AAK1: variants seen among roughly 807,000 people sequenced by gnomAD.
AAK1 encodes the protein AP2-associated protein kinase 1.
AAK1 carries 37 observed loss-of-function variants against 116.0 expected under a neutral mutation model. The observed-to-expected ratio is 0.32, with a 90% confidence interval of 0.25 to 0.42. AAK1 has a LOEUF of 0.42. AAK1 is among the 10% of genes least tolerant of loss of function. The pLI is 1.00. For missense variants in AAK1, 919 were observed against 1,170.6 expected (o/e 0.79, Z 3.14); for synonymous variants, 458 against 439.9 (o/e 1.04, Z -0.51).
intron 3 of AAK1, among the ~76,000 whole-genome samples, chr2:69,551,106 A>C (rs563127295): frequency 1.3e-5 from 2 of 151,938 alleles, no homozygotes; most frequent in African/African-American, 4.8e-5. Flanking sequence ...ACACACACAC[A>C]CACCCCAACT....
chr2:69,552,951 G>A (rs1307262755), intron 3 of AAK1, among the ~76,000 whole-genome samples: 1 of 152,022 alleles, frequency 6.6e-6, no homozygotes, highest in African/African-American at 2.4e-5. Flanking sequence ...AGGATGGTTG[G>A]AATATAGAGG....
intron 7 of AAK1, 131 bp from the exon 8 acceptor site, chr2:69,530,271 A>G: frequency 1.0e-6 from 1 of 994,702 alleles, no homozygotes; most frequent in African/African-American, 1.7e-5. Context: ...TGTATTAGAA[A>G]CATGAGTTTT....
At chr2:69,589,709 A>C (rs1672946633) in intron 2 of AAK1, among the ~76,000 whole-genome samples, 1 of 126,742 alleles carries the variant, frequency 7.9e-6, no homozygotes, top group Non-Finnish European at 1.7e-5. Flanking sequence ...ACTCTGTCTC[A>C]AAAAAAAAAA....
intron 18 of AAK1, chr2:69,482,166 A>C (rs1186207472): frequency 6.1e-6 from 1 of 163,058 alleles, no homozygotes. Context: ...AGCCTGACCA[A>C]CATGGAGAAA....
intron 5 of AAK1, among the ~76,000 whole-genome samples, chr2:69,541,977 C>T (rs1191418814): frequency 1.3e-5 from 2 of 152,188 alleles, no homozygotes; most frequent in African/African-American, 2.4e-5. Flanking sequence ...ATGTCTCCCC[C>T]TGAAGAGACA....
chr2:69,576,844 T>C (rs963458167), intron 2 of AAK1, among the ~76,000 whole-genome samples: 2 of 152,188 alleles, frequency 1.3e-5, no homozygotes, highest in East Asian at 1.9e-4. Context: ...CCACCTTAGA[T>C]AGCGGTCTGA....
At position 69,525,125 on chromosome 2, in the gene AAK1, A is replaced by G; in HGVS notation, c.976-13T>C. ...GAATGGGAGAGTTCTATAGAATTGC[A>G]AACAAAACAGAACAAAACAAAAGGA... On this transcript the variant is annotated splice_polypyrimidine_tract_variant and intron_variant, in intron 9 of 21. Transcript: ENST00000409085. 6.2e-7 allele frequency: 1 copy of G among 1,613,080 alleles called. No individual in the cohort carries two copies. Among genetic ancestry groups the G allele is most frequent in the Admixed American group, 1.7e-5 (1 of 60,008 alleles).
Position 69,472,782 on chromosome 2 carries a change from C to T in AAK1, c.*3087G>A. The T allele has an allele frequency of 2.0e-6, 2 of 983,224 alleles. No individual in the cohort carries two copies. The highest frequency in any genetic ancestry group is 2.4e-6 in the Non-Finnish European group (2 of 828,668). The allele number at this position is 983,224 out of a possible 1,614,324, so 60.9% of individuals were successfully genotyped here. A position where few individuals can be genotyped will look rare whatever the true frequency, so the allele number is the denominator to read the frequency against. On this transcript the variant is annotated 3_prime_UTR_variant, in exon 22 of 22. Coordinates refer to ENST00000409085, the MANE Select transcript of AAK1 (RefSeq NM_014911.5). ...TTAAACTGGTAGATGCCTGATTATA[C>T]ATTTAAAAAGAAATCTTCTGATACC...
chr2:69,529,991 A>G lies in AAK1; in HGVS notation c.871+17T>C, dbSNP rs1236869631. 1.3e-6 allele frequency: 2 copies of G among 1,511,472 alleles called. No individual in the cohort carries two copies. Among genetic ancestry groups the G allele is most frequent in the Non-Finnish European group, 8.9e-7 (1 of 1,127,262 alleles). 93.6% of individuals were successfully genotyped at this position (1,511,472 alleles called of 1,614,324 possible). A position where few individuals can be genotyped will look rare whatever the true frequency, so the allele number is the denominator to read the frequency against. On this transcript the variant is annotated intron_variant, in intron 8 of 21. Coordinates refer to ENST00000409085, the MANE Select transcript of AAK1 (RefSeq NM_014911.5). ...ATTAGAAATAAAAATATGAAACTAG[A>G]AACTTAAAATACTTACTAATTAGGC...
At chr2:69,550,006 A>C (rs1671108603) in intron 3 of AAK1, among the ~76,000 whole-genome samples, 1 of 152,194 alleles carries the variant, frequency 6.6e-6, no homozygotes, top group Non-Finnish European at 1.5e-5. Context: ...GTAAGCCACA[A>C]TGCTTTCTTT....
rs144014755 is a variant in AAK1, at chr2:69,550,795, T to C, written c.282+6065A>G. On this transcript the variant is annotated intron_variant, in intron 3 of 21. Coordinates refer to ENST00000409085, the MANE Select transcript of AAK1 (RefSeq NM_014911.5). ...CACGCCCGGCTAATTTTTGTACTTT[T>C]AGTAGAGACAGGGTTTGGCCATTTT... Among the ~76,000 whole-genome samples the C allele has an allele frequency of 6.5e-3, 987 of 152,134 alleles. 21 individuals carry two copies. The highest frequency in any genetic ancestry group is 0.013 in the East Asian group (65 of 5,168).
At position 69,462,755 on chromosome 2, in the gene AAK1, G is replaced by A. The variant is rs1458439470; in HGVS notation, c.*13114C>T. 6.6e-6 allele frequency: 1 copy of A among 152,096 alleles called. No individual in the cohort carries two copies. The highest frequency in any genetic ancestry group is 2.4e-5 in the African/African-American group (1 of 41,406). 9.4% of individuals were successfully genotyped at this position (152,096 alleles called of 1,614,324 possible). ...TAGGCTCTTCGCTCATGTTTTTGAG[G>A]GCTTCACTTGATAATGACCATGGGA... is the stretch of plus-strand genomic sequence containing the variant. On this transcript the variant is annotated 3_prime_UTR_variant, in exon 22 of 22. Transcript: ENST00000409085.
Position 69,507,464 on chromosome 2 carries a change from T to A in AAK1, c.2121A>T (p.Thr707=), listed in dbSNP as rs1676229212. ...AGTCCTTGTTTAGCAGTTCTTCAGC[T>A]GTGAGTTTGGAGAAATTATCGTCAT... The part of the protein sequence containing the change: ...PFDDDNFSKL[T]AEELLNKDFA... The change falls in exon 15 of 22, where the codon ACA becomes ACT. Residue 707 remains threonine (T), a synonymous_variant. Coordinates refer to ENST00000409085, the MANE Select transcript of AAK1 (RefSeq NM_014911.5). 1 of 1,612,988 alleles carries A rather than the reference T, an allele frequency of 6.2e-7. No individual in the cohort carries two copies. Among genetic ancestry groups the A allele is most frequent in the African/African-American group, 1.3e-5 (1 of 74,918 alleles).
chr2:69,549,499 C>G (rs1671084747), intron 3 of AAK1, among the ~76,000 whole-genome samples: 2 of 152,180 alleles, frequency 1.3e-5, no homozygotes, highest in Admixed American at 6.5e-5. Context: ...TTGGCTGCTC[C>G]TACATTTATA....
intron 17 of AAK1, among the ~76,000 whole-genome samples, chr2:69,493,860 A>G (rs948588061): frequency 1.3e-5 from 2 of 152,182 alleles, no homozygotes; most frequent in Non-Finnish European, 2.9e-5. Flanking sequence ...CAGCAAGTGC[A>G]AAGTCCCCAG....
intron 2 of AAK1, among the ~76,000 whole-genome samples, chr2:69,586,317 G>A (rs1054609261): frequency 6.6e-6 from 1 of 152,136 alleles, no homozygotes; most frequent in Non-Finnish European, 1.5e-5. Context: ...TTGAATACCA[G>A]GCTGGTAATG....
chr2:69,513,263 G>C (rs1676458338), intron 13 of AAK1, among the ~76,000 whole-genome samples: 1 of 151,950 alleles, frequency 6.6e-6, no homozygotes, highest in Non-Finnish European at 1.5e-5. Flanking sequence ...AGCGATGTAG[G>C]TTTTCTGGTT....
chr2:69,618,774 C>A (rs1048265145), intron 2 of AAK1, among the ~76,000 whole-genome samples: 1 of 152,152 alleles, frequency 6.6e-6, no homozygotes, highest in East Asian at 1.9e-4. Flanking sequence ...GATTTCTTCA[C>A]GACACTGACC....
chr2:69,615,949 A>G (rs1397777804), intron 2 of AAK1, among the ~76,000 whole-genome samples: 1 of 152,248 alleles, frequency 6.6e-6, no homozygotes, highest in African/African-American at 2.4e-5. Flanking sequence ...AAAGCTAAAC[A>G]TAGTGACTGG....
Sources: allele counts gnomAD v4.1 joint callset (sites outside exome capture counted in the v4.1 genomes callset), GRCh38; gene constraint gnomAD v4.1.1; transcripts MANE v1.5; gene names NCBI Gene and HGNC (gene_info 2026-07-23, HGNC 2026-07-21).